The following BACH1 variants were observed in gnomAD, a reference collection of about 807,000 sequenced individuals.
The protein encoded by BACH1 is transcription regulator protein BACH1.
In BACH1, 35 loss-of-function variants were observed where a neutral mutation model predicts 52.9. The ratio of observed to expected loss-of-function variants is 0.66; its 90% CI spans 0.51 to 0.88. BACH1 has a LOEUF of 0.88. Among genes scored for constraint, BACH1 ranks in the 40% least tolerant of loss-of-function variants. The probability of loss-of-function intolerance (pLI) is 0.00; values close to 1 mark genes in which losing one functional copy is unlikely to be tolerated. For missense variants in BACH1, 808 were observed against 872.6 expected (o/e 0.93, Z 0.93); for synonymous variants, 321 against 319.6 (o/e 1.00, Z -0.05).
chr21:29,323,492 T>C (rs1021285507), intron 2 of BACH1, among the ~76,000 whole-genome samples: 4 of 152,184 alleles, frequency 2.6e-5, no homozygotes, highest in African/African-American at 9.6e-5. Context: ...GGGAGAAAGA[T>C]GAAAGCTGGA....
chr21:29,333,550 G>A (rs2089009159), intron 4 of BACH1, among the ~76,000 whole-genome samples: 1 of 152,174 alleles, frequency 6.6e-6, no homozygotes, highest in South Asian at 2.1e-4. Context: ...CATATTAATA[G>A]ATTCACAGTA....
chr21:29,358,817 G>A (rs553790190), intron 2 of BACH1, among the ~76,000 whole-genome samples: 6 of 123,158 alleles, frequency 4.9e-5, no homozygotes, highest in African/African-American at 8.6e-5. Flanking sequence ...AAAGAAAGAA[G>A]AAAGAAAGAA....
intron 1 of BACH1, among the ~76,000 whole-genome samples, chr21:29,313,050 G>A (rs2088744417): frequency 6.6e-6 from 1 of 152,106 alleles, no homozygotes; most frequent in African/African-American, 2.4e-5. Flanking sequence ...ATCAGGATAG[G>A]CAGGATTAAA....
chr21:29,351,874 G>A (rs1194419321), intron 2 of BACH1: 7 of 419,020 alleles, frequency 1.7e-5, no homozygotes, highest in Non-Finnish European at 2.5e-5. Context: ...CTAGGGCCTG[G>A]GAGAGCAGAC....
chr21:29,341,507 A>C (rs2089112317), intron 4 of BACH1, among the ~76,000 whole-genome samples: 1 of 152,260 alleles, frequency 6.6e-6, no homozygotes, highest in African/African-American at 2.4e-5. Flanking sequence ...ATAATAGAAA[A>C]GACATGCTGT....
At chr21:29,310,921 C>A (rs913622293) in intron 1 of BACH1, among the ~76,000 whole-genome samples, 1 of 152,018 alleles carries the variant, frequency 6.6e-6, no homozygotes, top group South Asian at 2.1e-4. Flanking sequence ...AATTATAGAT[C>A]GAGGGGTATA....
chr21:29,352,306 G>A (rs1390638864), intron 2 of BACH1, among the ~76,000 whole-genome samples: 2 of 151,876 alleles, frequency 1.3e-5, no homozygotes, highest in East Asian at 1.9e-4. Context: ...CGCCCGCCTC[G>A]GCCTCCCAAA....
chr21:29,342,452 G>A lies in BACH1; in HGVS notation c.1830G>A (p.Leu610=), dbSNP rs147119412. ...AAAGAGATCACATTTTGTCAACTCT[G>A]GGTGAGACAAAGCAGAACCTAACTG... ...LKERDHILST[L]GETKQNLTGL... The change falls in exon 5 of 5, where the codon CTG becomes CTA. Residue 610 remains leucine (L), a synonymous_variant. Coordinates refer to ENST00000286800, the MANE Select transcript of BACH1 (RefSeq NM_001186.4). The A allele has an allele frequency of 4.3e-6, 7 of 1,614,078 alleles. No individual in the cohort carries two copies. Among genetic ancestry groups the A allele is most frequent in the Non-Finnish European group, 5.9e-6 (7 of 1,180,044 alleles).
chr21:29,311,086 AGTTC>A (rs1763248186), intron 1 of BACH1, among the ~76,000 whole-genome samples: 1 of 152,236 alleles, frequency 6.6e-6, no homozygotes, highest in African/African-American at 2.4e-5. Context: ...GTGATTTGGC[AGTTC>A]AACAGCTCAT....
At chr21:29,355,201 T>C (rs904800734) in intron 2 of BACH1, among the ~76,000 whole-genome samples, 1 of 152,150 alleles carries the variant, frequency 6.6e-6, no homozygotes, top group African/African-American at 2.4e-5. Flanking sequence ...TTTTACAGAG[T>C]GCTGATTGGT....
At chr21:29,357,362 A>C (rs1375704701) in intron 2 of BACH1, among the ~76,000 whole-genome samples, 1 of 152,184 alleles carries the variant, frequency 6.6e-6, no homozygotes, top group Non-Finnish European at 1.5e-5. Flanking sequence ...AGGCGGCCTA[A>C]GTCTGGACTA....
At chr21:29,330,545 T>G (rs1303406584) in intron 4 of BACH1, among the ~76,000 whole-genome samples, 1 of 152,114 alleles carries the variant, frequency 6.6e-6, no homozygotes, top group Non-Finnish European at 1.5e-5. Flanking sequence ...TCCTCTTTCT[T>G]TTTTCCGTTG....
intron 2 of BACH1, among the ~76,000 whole-genome samples, chr21:29,357,374 A>G (rs2089241205): frequency 6.6e-6 from 1 of 152,186 alleles, no homozygotes; most frequent in African/African-American, 2.4e-5. Context: ...TCTGGACTAC[A>G]ATTTGTTGGC....
At chr21:29,332,136 G>T (rs564157671) in intron 4 of BACH1, among the ~76,000 whole-genome samples, 8 of 152,188 alleles carry the variant, frequency 5.3e-5, no homozygotes, top group Non-Finnish European at 7.4e-5. Flanking sequence ...GGGCTTCACC[G>T]TGTTAGCCAG....
At chr21:29,314,136 T>G (rs1449586403) in intron 1 of BACH1, among the ~76,000 whole-genome samples, 1 of 152,204 alleles carries the variant, frequency 6.6e-6, no homozygotes, top group Non-Finnish European at 1.5e-5. Context: ...CAGCCAAATA[T>G]GTTAAGCAAA....
At chr21:29,340,151 T>TA (rs1196066463) in intron 4 of BACH1, among the ~76,000 whole-genome samples, 1 of 152,380 alleles carries the variant, frequency 6.6e-6, no homozygotes, top group East Asian at 1.9e-4. Context: ...GGAGGTATCT[T>TA]AAATACTGAT....
At chr21:29,352,799 C>T (rs1211524807) in intron 2 of BACH1, 2 of 152,180 alleles carry the variant, frequency 1.3e-5, no homozygotes, top group African/African-American at 4.8e-5. Flanking sequence ...GCAACCTCCA[C>T]CTTCCAGGTT....
rs544317112 is a variant in BACH1 at position 29,326,639 on chromosome 21, A to G, written c.815A>G (p.Asp272Gly). The change falls in exon 3 of 5, where the codon GAT (aspartate) becomes GGT (glycine). Residue 272 changes from aspartate to glycine, a missense_variant. By Grantham distance (94) the Asp-to-Gly change is moderately conservative. Coordinates refer to ENST00000286800, the MANE Select transcript of BACH1 (RefSeq NM_001186.4). Reference protein sequence around the residue: ...ECLGGVPECRDLQVMLKCDES... With the variant: ...ECLGGVPECRGLQVMLKCDES... ...CTGGGAGGAGTCCCGGAGTGTAGAG[A>G]TTTGCAGGTGATGTTAAAATGTGAC... is the stretch of plus-strand genomic sequence containing the variant. The G allele has an allele frequency of 2.5e-6, 4 of 1,614,078 alleles. No individual in the cohort carries two copies. The highest frequency in any genetic ancestry group is 1.7e-5 in the Admixed American group (1 of 60,008).
rs181825248 is a variant in BACH1, at chr21:29,322,640, T to C, written c.234+1126T>C. Among the ~76,000 whole-genome samples the C allele has an allele frequency of 3.9e-5, 6 of 152,310 alleles. No homozygotes were observed. In the East Asian group the frequency reaches 1.2e-3, roughly 29 times the overall value. ...ATATGGAGAAAGAATGTAGAAATCA[T>C]TTGAGTATGACAGGTCTATGTGGGA... On this transcript the variant is annotated intron_variant, in intron 2 of 4. Coordinates refer to ENST00000286800, the MANE Select transcript of BACH1 (RefSeq NM_001186.4).
Sources: gnomAD v4.1 joint callset for allele counts (sites outside exome capture counted in the v4.1 genomes callset) on GRCh38, gnomAD v4.1.1 for gene constraint, MANE v1.5 for transcripts, NCBI Gene and HGNC (gene_info 2026-07-23, HGNC 2026-07-21) for gene names.